Variants in ZNF385D observed in about 807,000 individuals in gnomAD.
ZNF385D encodes zinc finger protein 385D.
ZNF385D carries 15 observed loss-of-function variants against 35.8 expected under a neutral mutation model. The observed-to-expected ratio is 0.42, with a 90% CI of 0.28 to 0.64. ZNF385D has a LOEUF of 0.64. ZNF385D is among the 30% of genes least tolerant of loss of function. ZNF385D has a pLI of 0.23. For missense variants in ZNF385D, 474 were observed against 494.6 expected, an observed-to-expected ratio of 0.96 and a Z score of 0.39; for synonymous variants, 212 against 186.8, an observed-to-expected ratio of 1.13 and a Z score of -1.10.
At chr3:22,359,895 TATAC>T (rs1292880814) in intron 2 of ZNF385D, among the ~76,000 whole-genome samples, 1 of 151,922 alleles carries the variant, frequency 6.6e-6, no homozygotes, top group Non-Finnish European at 1.5e-5. Context: ...GAGAATTAGA[TATAC>T]ATACTAGCGG....
chr3:21,869,848 G>C (rs9830424), intron 3 of ZNF385D, among the ~76,000 whole-genome samples: 6,320 of 152,092 alleles, frequency 0.042, 343 homozygotes, highest in African/African-American at 0.12. Flanking sequence ...ATTAGAAGTA[G>C]TTCAATAAAG....
chr3:21,875,594 G>C (rs1037789301), intron 3 of ZNF385D, among the ~76,000 whole-genome samples: 1 of 152,000 alleles, frequency 6.6e-6, no homozygotes. Context: ...TGATACTCCA[G>C]TGCAAAATGG....
rs114909527 is a variant in ZNF385D, at chr3:22,357,390, C to G, written c.106+15060G>C. 7.4e-3 allele frequency among the ~76,000 whole-genome samples: 1,125 copies of G among 151,870 alleles called. 21 individuals carry two copies. The highest frequency in any genetic ancestry group is 0.025 in the African/African-American group (1,026 of 41,506). On this transcript the variant is annotated intron_variant, in intron 2 of 5. Transcript: ENST00000494108. ...TAAATTAATGTCACTTATAATCAAG[C>G]AAATACTTTTACAGTCTTAGGAAAT...
At chr3:21,664,079 CTGT>C (rs1479540012) in intron 2 of ZNF385D, among the ~76,000 whole-genome samples, 1 of 148,884 alleles carries the variant, frequency 6.7e-6, no homozygotes, top group African/African-American at 2.5e-5. Context: ...TTAACAACCA[CTGT>C]TGTTATCTGA....
intron 2 of ZNF385D, among the ~76,000 whole-genome samples, chr3:21,649,024 CTG>C (rs765671557): frequency 2.6e-5 from 4 of 152,056 alleles, no homozygotes; most frequent in Non-Finnish European, 4.4e-5. Flanking sequence ...ACCTAGGACT[CTG>C]TGATTCCAAA....
intron 3 of ZNF385D, among the ~76,000 whole-genome samples, chr3:21,557,554 G>C (rs568157480): frequency 7.2e-5 from 11 of 152,294 alleles, no homozygotes; most frequent in Admixed American, 1.3e-4. Flanking sequence ...TGTGCTGCTG[G>C]ATTAGTTTCG....
intron 3 of ZNF385D, among the ~76,000 whole-genome samples, chr3:21,956,984 G>C (rs1357529034): frequency 6.6e-6 from 1 of 152,026 alleles, no homozygotes; most frequent in African/African-American, 2.4e-5. Flanking sequence ...TGTTGTGGGA[G>C]GGACCTGGGG....
At chr3:22,343,300 T>C (rs1302422806) in intron 2 of ZNF385D, among the ~76,000 whole-genome samples, 1 of 152,224 alleles carries the variant, frequency 6.6e-6, no homozygotes, top group Non-Finnish European at 1.5e-5. Context: ...TTTTGACAGA[T>C]CTACGTTTCC....
intron 3 of ZNF385D, among the ~76,000 whole-genome samples, chr3:21,519,580 A>T (rs549645642): frequency 5.3e-5 from 8 of 152,320 alleles, no homozygotes; most frequent in African/African-American, 1.9e-4. Context: ...TGAGGAACAG[A>T]GGATAGCAGT....
chr3:22,293,546 C>A (rs1194185665), intron 2 of ZNF385D, among the ~76,000 whole-genome samples: 1 of 152,108 alleles, frequency 6.6e-6, no homozygotes, highest in Non-Finnish European at 1.5e-5. Flanking sequence ...AGTGTGACAT[C>A]TAGGCCCAGT....
At chr3:21,898,826 A>C (rs1699265035) in intron 3 of ZNF385D, among the ~76,000 whole-genome samples, 1 of 152,150 alleles carries the variant, frequency 6.6e-6, no homozygotes, top group Admixed American at 6.6e-5. Context: ...CACATTCATA[A>C]AGATAATCTC....
chr3:22,199,443 A>G (rs906568905), intron 2 of ZNF385D, among the ~76,000 whole-genome samples: 1 of 152,148 alleles, frequency 6.6e-6, no homozygotes, highest in African/African-American at 2.4e-5. Context: ...CCTGCAAAAC[A>G]ACAAGATGTT....
At chr3:22,154,084 T>G (rs1473974563) in intron 3 of ZNF385D, among the ~76,000 whole-genome samples, 1 of 152,116 alleles carries the variant, frequency 6.6e-6, no homozygotes, top group Admixed American at 6.6e-5. Flanking sequence ...TTATGTGAAT[T>G]GGGAGTAAGG....
At chr3:21,512,362 T>C (rs1707278747) in intron 3 of ZNF385D, among the ~76,000 whole-genome samples, 1 of 152,116 alleles carries the variant, frequency 6.6e-6, no homozygotes, top group South Asian at 2.1e-4. Context: ...CCTGTTAGAT[T>C]ATCCATTACT....
chr3:21,778,361 C>A (rs2071369961), intron 3 of ZNF385D, among the ~76,000 whole-genome samples: 1 of 151,880 alleles, frequency 6.6e-6, no homozygotes, highest in Admixed American at 6.6e-5. Flanking sequence ...CCAACTACTT[C>A]ATTTTATCCC....
chr3:22,344,446 G>C (rs949617809), intron 2 of ZNF385D, among the ~76,000 whole-genome samples: 1 of 152,126 alleles, frequency 6.6e-6, no homozygotes, highest in African/African-American at 2.4e-5. Flanking sequence ...CTAGAGTGCA[G>C]TGATGTGATC....
At chr3:21,516,249 T>A (rs948094251) in intron 3 of ZNF385D, among the ~76,000 whole-genome samples, 1 of 152,228 alleles carries the variant, frequency 6.6e-6, no homozygotes, top group African/African-American at 2.4e-5. Flanking sequence ...ACTCTTTCTT[T>A]ACTGCAGTAC....
chr3:21,854,947 C>T (rs1432814465), intron 3 of ZNF385D, among the ~76,000 whole-genome samples: 1 of 151,856 alleles, frequency 6.6e-6, no homozygotes, highest in African/African-American at 2.4e-5. Context: ...TGTAAATTCA[C>T]TCAGCAAACA....
chr3:21,799,042 C>T (rs769918547), intron 3 of ZNF385D, among the ~76,000 whole-genome samples: 9 of 152,086 alleles, frequency 5.9e-5, no homozygotes, highest in East Asian at 1.9e-4. Context: ...TCCATATAAG[C>T]GGAACTATAC....
Sources: gnomAD v4.1 joint callset for allele counts (sites outside exome capture counted in the v4.1 genomes callset) on GRCh38, gnomAD v4.1.1 for gene constraint, MANE v1.5 for transcripts, NCBI Gene and HGNC (gene_info 2026-07-23, HGNC 2026-07-21) for gene names.